Variants in ROBO1 observed in about 807,000 individuals in gnomAD.
ROBO1 encodes the protein roundabout guidance receptor 1.
ROBO1 carries 149 observed loss-of-function variants against 195.9 expected under a neutral mutation model. The observed-to-expected ratio is 0.76, with a 90% CI of 0.67 to 0.87. The LOEUF is 0.87. ROBO1 is among the 40% of genes least tolerant of loss of function. The probability of loss-of-function intolerance (pLI) is 0.00; values close to 1 mark genes in which losing one functional copy is unlikely to be tolerated. For synonymous variants in ROBO1, 816 were observed against 733.2 expected, an observed-to-expected ratio of 1.11 and a Z score of -1.82; for missense variants, 1,933 against 2,068.3, an observed-to-expected ratio of 0.93 and a Z score of 1.27.
At chr3:78,907,223 T>A (rs1224726048) in intron 4 of ROBO1, among the ~76,000 whole-genome samples, 3 of 152,014 alleles carry the variant, frequency 2.0e-5, no homozygotes, top group African/African-American at 7.2e-5. Flanking sequence ...CCTTTACCCA[T>A]GCATGATTTT....
intron 2 of ROBO1, among the ~76,000 whole-genome samples, chr3:79,520,176 G>T (rs966751817): frequency 6.6e-6 from 1 of 150,802 alleles, no homozygotes; most frequent in South Asian, 2.1e-4. Flanking sequence ...AAAAAAAAGA[G>T]AGAGAGAGAG....
chr3:79,578,353 A>C (rs888100286), intron 2 of ROBO1, among the ~76,000 whole-genome samples: 1 of 152,214 alleles, frequency 6.6e-6, no homozygotes, highest in Non-Finnish European at 1.5e-5. Flanking sequence ...TCACTTTATT[A>C]GCAAAATTGA....
At chr3:78,893,596 G>C (rs900830813) in intron 4 of ROBO1, among the ~76,000 whole-genome samples, 2 of 151,962 alleles carry the variant, frequency 1.3e-5, no homozygotes, top group African/African-American at 4.8e-5. Flanking sequence ...ATAAATATTA[G>C]CTAAATAATT....
intron 3 of ROBO1, among the ~76,000 whole-genome samples, chr3:78,976,587 C>T (rs2107954774): frequency 6.6e-6 from 1 of 152,316 alleles, no homozygotes; most frequent in East Asian, 1.9e-4. Flanking sequence ...TAATTGTCAA[C>T]AAACTCTTGG....
At chr3:79,190,103 C>G (rs1576793058) in intron 2 of ROBO1, among the ~76,000 whole-genome samples, 1 of 151,618 alleles carries the variant, frequency 6.6e-6, no homozygotes, top group African/African-American at 2.4e-5. Flanking sequence ...GCATCTGTAA[C>G]ATTTCTAATG....
At chr3:79,520,299 G>A (rs1481210342) in intron 2 of ROBO1, among the ~76,000 whole-genome samples, 1 of 152,092 alleles carries the variant, frequency 6.6e-6, no homozygotes, top group Non-Finnish European at 1.5e-5. Flanking sequence ...TAGGCTGTGA[G>A]ATCTCTTCTA....
chr3:79,005,986 A>C (rs2077610831), intron 3 of ROBO1, among the ~76,000 whole-genome samples: 1 of 152,304 alleles, frequency 6.6e-6, no homozygotes, highest in Middle Eastern at 3.4e-3. Flanking sequence ...TATTTCTTAA[A>C]ATTTCCTTAA....
chr3:79,586,322 T>C (rs1943829189), intron 2 of ROBO1, among the ~76,000 whole-genome samples: 2 of 151,956 alleles, frequency 1.3e-5, no homozygotes, highest in South Asian at 4.1e-4. Flanking sequence ...ACAGCTCTTT[T>C]CAGTTATCTT....
At chr3:79,219,678 C>A (rs1324490575) in intron 2 of ROBO1, among the ~76,000 whole-genome samples, 1 of 151,990 alleles carries the variant, frequency 6.6e-6, no homozygotes, top group Admixed American at 6.6e-5. Flanking sequence ...CTAGTAATTG[C>A]ATGATGATCT....
At chr3:79,524,446 A>G (rs1941345636) in intron 2 of ROBO1, among the ~76,000 whole-genome samples, 1 of 152,042 alleles carries the variant, frequency 6.6e-6, no homozygotes, top group African/African-American at 2.4e-5. Context: ...ATAAAATACT[A>G]TCATAAAATT....
chr3:79,653,999 C>T (rs1355373260), intron 1 of ROBO1, among the ~76,000 whole-genome samples: 2 of 151,850 alleles, frequency 1.3e-5, no homozygotes, highest in African/African-American at 4.8e-5. Context: ...TTGAAGCTAT[C>T]GATTTGTGAG....
rs116521686 is a variant in ROBO1, at chr3:79,210,933, G to A, written c.89-85394C>T. On this transcript the variant is annotated intron_variant, in intron 2 of 30. Transcript: ENST00000464233. ...CTGGTCCCTGTGATTTCATGAAAAA[G>A]ATTTCAAGCATAGTATCTCTGGAAT... Among the ~76,000 whole-genome samples, 454 of 152,084 alleles carry A rather than the reference G, an allele frequency of 3.0e-3. 3 individuals are homozygous for A. The highest frequency in any genetic ancestry group is 5.5e-3 in the Non-Finnish European group (371 of 67,960).
chr3:79,676,977 TG>T (rs1946802047), intron 1 of ROBO1, among the ~76,000 whole-genome samples: 1 of 152,012 alleles, frequency 6.6e-6, no homozygotes, highest in South Asian at 2.1e-4. Flanking sequence ...ACCTTGGGAT[TG>T]GGTAGATATT....
chr3:79,519,507 T>C (rs1941106348), intron 2 of ROBO1, among the ~76,000 whole-genome samples: 1 of 150,958 alleles, frequency 6.6e-6, no homozygotes, highest in South Asian at 2.1e-4. Flanking sequence ...CGGGCGCCTG[T>C]AGTCTCAGCT....
chr3:79,619,059 C>T (rs1944916441), intron 1 of ROBO1, among the ~76,000 whole-genome samples: 1 of 151,954 alleles, frequency 6.6e-6, no homozygotes, highest in Non-Finnish European at 1.5e-5. Flanking sequence ...GCGAGGACAC[C>T]TGCCCTCATC....
intron 2 of ROBO1, among the ~76,000 whole-genome samples, chr3:79,366,917 A>C (rs1002246633): frequency 1.3e-5 from 2 of 152,204 alleles, no homozygotes; most frequent in African/African-American, 4.8e-5. Flanking sequence ...TTAAGTTTAC[A>C]TTATATAGCT....
intron 19 of ROBO1, among the ~76,000 whole-genome samples, chr3:78,648,681 TAA>T (rs199787334): frequency 1.4e-4 from 19 of 135,892 alleles, no homozygotes; most frequent in Admixed American, 1.5e-4. Context: ...CTGCTCTGGT[TAA>T]AAAAAAAAAA....
intron 2 of ROBO1, among the ~76,000 whole-genome samples, chr3:79,256,514 A>T (rs1331767698): frequency 6.6e-6 from 1 of 152,222 alleles, no homozygotes; most frequent in African/African-American, 2.4e-5. Context: ...GAATGTCAAT[A>T]ACATTTTGTC....
chr3:78,958,705 ATCCCAGTTTAACCAGGACCG>A (rs558402871), intron 3 of ROBO1, among the ~76,000 whole-genome samples: 354 of 152,216 alleles, frequency 2.3e-3, no homozygotes, highest in Admixed American at 5.9e-3. Context: ...TGACCAATTC[ATCCCAGTTTAACCAGGACCG>A]TCCCAGTTTA....
Sources: gnomAD v4.1 joint callset for allele counts (sites outside exome capture counted in the v4.1 genomes callset) on GRCh38, gnomAD v4.1.1 for gene constraint, MANE v1.5 for transcripts, NCBI Gene and HGNC (gene_info 2026-07-23, HGNC 2026-07-21) for gene names.